The following HELZ variants were observed in gnomAD, a reference collection of about 807,000 sequenced individuals.
HELZ encodes helicase with zinc finger.
In HELZ, 23 loss-of-function variants were observed where a neutral mutation model predicts 218.2. The ratio of observed to expected loss-of-function variants is 0.11; its 90% CI spans 0.08 to 0.15. The LOEUF is 0.15. Among genes scored for constraint, HELZ ranks in the 10% least tolerant of loss-of-function variants. HELZ has a pLI of 1.00. For missense variants in HELZ, 1,813 were observed against 2,353.7 expected (o/e 0.77, Z 4.75); for synonymous variants, 814 against 829.4 (o/e 0.98, Z 0.32).
In HELZ at chr17:67,070,923, A is replaced by T. The variant is rs2035870817; in HGVS notation, c.*7329T>A. On this transcript the variant is annotated 3_prime_UTR_variant, in exon 33 of 33. Transcript: ENST00000358691. Reference sequence around the variant, plus strand: ...AAATAAGACTCAGTATGAATTTGCTAAGTAACTGATCTATGAAGTTAGCTG... The same window carrying T: ...AAATAAGACTCAGTATGAATTTGCTTAGTAACTGATCTATGAAGTTAGCTG... 1 of 152,208 alleles carries T rather than the reference A, an allele frequency of 6.6e-6. No individual in the cohort carries two copies. The highest frequency in any genetic ancestry group is 1.5e-5 in the Non-Finnish European group (1 of 68,030). The allele number at this position is 152,208 out of a possible 1,614,324, so 9.4% of individuals were successfully genotyped here. A position where few individuals can be genotyped will look rare whatever the true frequency, so the allele number is the denominator to read the frequency against.
intron 32 of HELZ, among the ~76,000 whole-genome samples, chr17:67,081,750 A>C (rs1386495594): frequency 6.6e-6 from 1 of 151,962 alleles, no homozygotes; most frequent in Admixed American, 6.6e-5. Flanking sequence ...AACATACCTG[A>C]TTTAGATTGG....
Position 67,108,726 on chromosome 17 carries a change from T to C in HELZ, c.4490A>G (p.Asp1497Gly). The change falls in exon 30 of 33, where the codon GAT becomes GGT. Residue 1497 changes from aspartate (D) to glycine (G), a missense_variant and splice_region_variant. This residue lies in a region of HELZ where 938 missense variants were observed against 1,027.5 expected (regional missense o/e 0.91). Coordinates refer to ENST00000358691, the MANE Select transcript of HELZ (RefSeq NM_014877.4). The surrounding 1 kb of genome is among the most constrained non-coding windows in gnomAD (Gnocchi z 4.1). ...CAGAGCGACACTCCCATGTATACGA[T>C]CTGCAAAAATATTTGTGAAAAATTT... ...PSGLPIGEAL[D>G]RIHGSVALET... 2 of 1,561,296 alleles carry C rather than the reference T, an allele frequency of 1.3e-6. No individual in the cohort carries two copies. Among genetic ancestry groups the C allele is most frequent in the Non-Finnish European group, 1.7e-6 (2 of 1,151,960 alleles).
intron 15 of HELZ, among the ~76,000 whole-genome samples, chr17:67,163,590 G>A (rs1208781577): frequency 6.6e-6 from 1 of 151,964 alleles, no homozygotes; most frequent in Admixed American, 6.6e-5. Context: ...TTTTAGTAGA[G>A]ATGGGGCTTC....
At position 67,167,498 on chromosome 17, in the gene HELZ, C is replaced by T; in HGVS notation, c.1729G>A (p.Glu577Lys). Residue 577 changes from glutamate to lysine, a missense_variant, in exon 14 of 33, where the codon GAA (glutamate) becomes AAA (lysine). Glu to Lys is a moderately conservative substitution (Grantham distance 56). Coordinates refer to ENST00000358691, the MANE Select transcript of HELZ (RefSeq NM_014877.4). ...CAGTCAGGCCGAAGATTAAGTTCTT[C>T]ACAGCATTCCCTAGATAGCCTTAAA... ...IFLRLSRECC[E>K]ELNLRPDCDT... 6.2e-7 allele frequency: 1 copy of T among 1,613,670 alleles called. No individual in the cohort carries two copies. The highest frequency in any genetic ancestry group is 8.5e-7 in the Non-Finnish European group (1 of 1,179,700).
At chr17:67,157,666 G>A (rs1053980348) in intron 17 of HELZ, among the ~76,000 whole-genome samples, 9 of 152,040 alleles carry the variant, frequency 5.9e-5, no homozygotes, top group African/African-American at 1.7e-4. Flanking sequence ...TATCCCACAC[G>A]AATTATAAGA....
At chr17:67,152,646 C>A (rs2038720185) in intron 17 of HELZ, among the ~76,000 whole-genome samples, 1 of 151,514 alleles carries the variant, frequency 6.6e-6, no homozygotes, top group Non-Finnish European at 1.5e-5. Flanking sequence ...TGGATATATC[C>A]AGTAAGCAAG....
In HELZ at chr17:67,078,139, A is replaced by AAG. The variant is rs1323363790; in HGVS notation, c.*112_*113insCT. On this transcript the variant is annotated 3_prime_UTR_variant, in exon 33 of 33. Coordinates refer to ENST00000358691, the MANE Select transcript of HELZ (RefSeq NM_014877.4). Reference sequence around the variant, plus strand: ...CAGCAAAGCAATTAAGTGAGAACATATTTAATATTAAAACAAAGGGAACTG... The same window carrying AAG: ...CAGCAAAGCAATTAAGTGAGAACATAAGTTTAATATTAAAACAAAGGGAACTG... 1.4e-6 allele frequency: 1 copy of AAG among 698,406 alleles called. No homozygotes were observed. Among genetic ancestry groups the AAG allele is most frequent in the Non-Finnish European group, 2.4e-6 (1 of 418,536 alleles). The allele number at this position is 698,406 out of a possible 1,614,324, so 43.3% of individuals were successfully genotyped here. A position where few individuals can be genotyped will look rare whatever the true frequency, so the allele number is the denominator to read the frequency against.
intron 27 of HELZ, among the ~76,000 whole-genome samples, chr17:67,118,906 C>A (rs1478907776): frequency 1.3e-5 from 2 of 151,952 alleles, no homozygotes; most frequent in Non-Finnish European, 2.9e-5. Context: ...AGATACTCAA[C>A]ATCACTCATT....
intron 5 of HELZ, among the ~76,000 whole-genome samples, chr17:67,204,223 G>A (rs1255202785): frequency 6.6e-6 from 1 of 151,954 alleles, no homozygotes; most frequent in Non-Finnish European, 1.5e-5. Context: ...TTTCTTTTTA[G>A]TATAACATAC....
At chr17:67,144,990 A>T (rs144556605) in intron 21 of HELZ, among the ~76,000 whole-genome samples, 40 of 152,250 alleles carry the variant, frequency 2.6e-4, no homozygotes, top group African/African-American at 9.6e-4. Flanking sequence ...GCAATGTCTT[A>T]ACGGAAAAAT....
chr17:67,245,452 C>T (rs530363205), upstream of HELZ: 1 of 985,046 alleles, frequency 1.0e-6, no homozygotes, highest in South Asian at 4.7e-5. Context: ...TGCCCCCACG[C>T]CCGGTCCTCT....
At chr17:67,094,898 T>G (rs2036695472) in intron 31 of HELZ, among the ~76,000 whole-genome samples, 1 of 152,242 alleles carries the variant, frequency 6.6e-6, no homozygotes, top group Admixed American at 6.5e-5. Context: ...CATACTGTAT[T>G]GCTAAAAAAT....
chr17:67,147,669 A>G (rs367716215), intron 20 of HELZ, among the ~76,000 whole-genome samples: 3 of 148,420 alleles, frequency 2.0e-5, no homozygotes, highest in Admixed American at 2.0e-4. Context: ...TTTGGTAGGA[A>G]GGGGGGGTCT....
In HELZ at chr17:67,149,142, C is replaced by A. The variant is rs143338740; in HGVS notation, c.2476-428G>T. On this transcript the variant is annotated intron_variant, in intron 19 of 32. Transcript: ENST00000358691. ...TCATTGTTAATAATTAACAAAACAACCCTCTTGATCTTATGAAGTATAAGG... is the reference window on the plus strand; with the variant it reads ...TCATTGTTAATAATTAACAAAACAAACCTCTTGATCTTATGAAGTATAAGG... Among the ~76,000 whole-genome samples, 570 of 152,256 alleles carry A rather than the reference C, an allele frequency of 3.7e-3. 14 individuals carry two copies. Among genetic ancestry groups the A allele is most frequent in the Admixed American group, 0.035 (528 of 15,300 alleles).
chr17:67,209,901 C>T (rs530895846), intron 5 of HELZ, among the ~76,000 whole-genome samples: 14 of 152,170 alleles, frequency 9.2e-5, no homozygotes, highest in South Asian at 4.1e-4. Flanking sequence ...TTTTTAACTA[C>T]CATAGAAACT....
intron 20 of HELZ, among the ~76,000 whole-genome samples, chr17:67,147,644 ATTTT>A (rs761333225): frequency 7.2e-6 from 1 of 138,942 alleles, no homozygotes; most frequent in Non-Finnish European, 1.6e-5. Context: ...TGCCCTGCTA[ATTTT>A]TTTTTTTTTT....
chr17:67,149,851 C>T lies in HELZ; in HGVS notation c.2475+16G>A. 1 of 1,460,166 alleles carries T rather than the reference C, an allele frequency of 6.8e-7. No homozygotes were observed. The highest frequency in any genetic ancestry group is 9.5e-7 in the Non-Finnish European group (1 of 1,056,286). 90.5% of individuals were successfully genotyped at this position (1,460,166 alleles called of 1,614,324 possible). ...TTAAAAGTTACTTTCAACACAGCAA[C>T]TCAGAGGGCACTTACCTGCATGTGA... On this transcript the variant is annotated intron_variant, in intron 19 of 32. Transcript: ENST00000358691.
intron 12 of HELZ, among the ~76,000 whole-genome samples, chr17:67,182,375 G>A (rs940477748): frequency 2.0e-5 from 3 of 152,146 alleles, no homozygotes; most frequent in Admixed American, 6.5e-5. Flanking sequence ...AACCCAGGAG[G>A]TGGAGGTTGC....
At chr17:67,156,805 GA>G (rs888184519) in intron 17 of HELZ, among the ~76,000 whole-genome samples, 273 of 142,938 alleles carry the variant, frequency 1.9e-3, no homozygotes, top group Middle Eastern at 0.01. Context: ...TTGTAAAATT[GA>G]AAAAAAAAAA....
Sources: gnomAD v4.1 joint callset for allele counts (sites outside exome capture counted in the v4.1 genomes callset) on GRCh38, gnomAD v4.1.1 for gene constraint, gnomAD v4.1.1 regional missense constraint, Gnocchi (gnomAD v3.1) non-coding constraint, MANE v1.5 for transcripts, NCBI Gene and HGNC (gene_info 2026-07-23, HGNC 2026-07-21) for gene names.